The following PRDM14 variants were observed in gnomAD, a reference collection of about 807,000 sequenced individuals.
PRDM14 encodes the protein PR domain zinc finger protein 14.
Under a neutral mutation model 48.0 loss-of-function variants are expected in PRDM14, and 16 were observed. The observed-to-expected ratio is 0.33, with a 90% CI of 0.23 to 0.51. PRDM14 has a LOEUF of 0.51. Ranked by LOEUF, PRDM14 falls within the 20% of genes least tolerant of loss-of-function variation. The pLI, the probability that PRDM14 is intolerant of heterozygous loss-of-function variation, is 0.97. For synonymous variants in PRDM14, 264 were observed against 276.6 expected (o/e 0.95, Z 0.45); for missense variants, 566 against 719.6 (o/e 0.79, Z 2.44).
In PRDM14 at chr8:70,052,052, G is replaced by A. The variant is rs745763618; in HGVS notation, c.*25C>T. The A allele has an allele frequency of 1.3e-5, 20 of 1,518,654 alleles. No homozygotes were observed. The highest frequency in any genetic ancestry group is 4.1e-5 in the African/African-American group (3 of 73,182). 94.1% of individuals were successfully genotyped at this position (1,518,654 alleles called of 1,614,324 possible). On this transcript the variant is annotated 3_prime_UTR_variant, in exon 8 of 8. Coordinates refer to ENST00000276594, the MANE Select transcript of PRDM14 (RefSeq NM_024504.4). ...GCCTCCCAAAGTGCTGGGATTACAGGCGTGAGTCATTGTGCCTGGCAGGGC... is the reference window on the plus strand; with the variant it reads ...GCCTCCCAAAGTGCTGGGATTACAGACGTGAGTCATTGTGCCTGGCAGGGC...
At chr8:70,061,170 T>C (rs1805576015) in intron 5 of PRDM14, among the ~76,000 whole-genome samples, 1 of 152,082 alleles carries the variant, frequency 6.6e-6, no homozygotes, top group Non-Finnish European at 1.5e-5. Flanking sequence ...CAGGGGTGTC[T>C]ATGTGTTGGG....
intron 7 of PRDM14, among the ~76,000 whole-genome samples, chr8:70,053,536 G>A (rs1300784648): frequency 6.6e-6 from 1 of 152,080 alleles, no homozygotes; most frequent in Non-Finnish European, 1.5e-5. Flanking sequence ...AATTACAGGT[G>A]CACTATGATG....
chr8:70,058,883 C>G (rs924476169), intron 5 of PRDM14, 41 bp from the exon 6 acceptor site: 1 of 1,461,012 alleles, frequency 6.8e-7, no homozygotes, highest in Admixed American at 1.7e-5. Context: ...CAGTTACTTC[C>G]CTCCCTAGTT....
chr8:70,059,313 C>T lies in PRDM14; in HGVS notation c.1184-471G>A, dbSNP rs1805536931. On this transcript the variant is annotated intron_variant, in intron 5 of 7. Coordinates refer to ENST00000276594, the MANE Select transcript of PRDM14 (RefSeq NM_024504.4). ...TTGAGATGGAGTCTTGCTCTGTCAC[C>T]CAGGCTGGAGTGCAGGGGTGTGATC... Among the ~76,000 whole-genome samples, 3 of 150,914 alleles carry T rather than the reference C, an allele frequency of 2.0e-5. No individual in the cohort carries two copies. The South Asian group carries it at 6.3e-4, about 32-fold the overall frequency.
chr8:70,053,242 C>A (rs981825115), intron 7 of PRDM14, among the ~76,000 whole-genome samples: 5 of 152,058 alleles, frequency 3.3e-5, no homozygotes, highest in East Asian at 1.9e-4. Flanking sequence ...TCAAGACAAA[C>A]CTCATTACAG....
intron 6 of PRDM14, 49 bp downstream of exon 6, chr8:70,058,591 G>T: frequency 6.5e-7 from 1 of 1,546,544 alleles, no homozygotes. Context: ...AGGAGCTTGG[G>T]AAGGGAGAGA....
chr8:70,068,448 G>A, intron 3 of PRDM14, 31 bp downstream of exon 3: 1 of 1,613,998 alleles, frequency 6.2e-7, no homozygotes, highest in Non-Finnish European at 8.5e-7. Context: ...TTAGTTCAGG[G>A]AAAGAAATCC....
chr8:70,056,737 T>C (rs1280141555), intron 6 of PRDM14, among the ~76,000 whole-genome samples: 2 of 145,938 alleles, frequency 1.4e-5, no homozygotes, highest in Non-Finnish European at 3.0e-5. Context: ...GGTGATTGTT[T>C]GAGCGTAGGA....
chr8:70,064,888 C>G (rs1489270307), intron 5 of PRDM14, among the ~76,000 whole-genome samples: 1 of 147,762 alleles, frequency 6.8e-6, no homozygotes, highest in African/African-American at 2.5e-5. Context: ...TTCTCTCTCT[C>G]TCTTTTTTTT....
intron 5 of PRDM14, among the ~76,000 whole-genome samples, chr8:70,061,414 T>C (rs966446025): frequency 2.0e-5 from 3 of 152,174 alleles, no homozygotes; most frequent in African/African-American, 7.2e-5. Flanking sequence ...GACAACTACA[T>C]CCCAGGCACG....
Position 70,051,956 on chromosome 8 carries a change from T to G in PRDM14, c.*121A>C. ...CCAGCTGATTTTTGTATTTTTTTGG[T>G]AGAGACAGGATTTCACCATGTTGCC... On this transcript the variant is annotated 3_prime_UTR_variant, in exon 8 of 8. Coordinates refer to ENST00000276594, the MANE Select transcript of PRDM14 (RefSeq NM_024504.4). 1.5e-6 allele frequency: 1 copy of G among 659,052 alleles called. No individual in the cohort carries two copies. Among genetic ancestry groups the G allele is most frequent in the Non-Finnish European group, 2.5e-6 (1 of 393,080 alleles). 40.8% of individuals were successfully genotyped at this position (659,052 alleles called of 1,614,324 possible).
intron 1 of PRDM14, among the ~76,000 whole-genome samples, 170 bp from the exon 2 acceptor site, chr8:70,070,054 A>G (rs1301746921): frequency 6.6e-6 from 1 of 152,186 alleles, no homozygotes; most frequent in African/African-American, 2.4e-5. Flanking sequence ...ACAAAACGAA[A>G]AAACAGCAAT....
intron 5 of PRDM14, among the ~76,000 whole-genome samples, chr8:70,060,463 T>C (rs142669723): frequency 3.3e-5 from 5 of 152,252 alleles, no homozygotes; most frequent in African/African-American, 1.2e-4. Context: ...CGATTAACTC[T>C]TATTCTTTTA....
chr8:70,068,163 G>A, intron 4 of PRDM14, 67 bp downstream of exon 4: 1 of 1,579,274 alleles, frequency 6.3e-7, no homozygotes, highest in Non-Finnish European at 8.7e-7. Context: ...AAGGGCAAAG[G>A]CCAAGATTTC....
rs977424590 is a variant in PRDM14 at position 70,052,414 on chromosome 8, T to C, written c.1489-110A>G. On this transcript the variant is annotated intron_variant, in intron 7 of 7. Coordinates refer to ENST00000276594, the MANE Select transcript of PRDM14 (RefSeq NM_024504.4). ...TGTTGCTCATCCTTATGGACGAACC[T>C]TGGGTTTTAAGGCCATAGAGCACTC... 18 of 874,050 alleles carry C rather than the reference T, an allele frequency of 2.1e-5. No homozygotes were observed. The South Asian group carries it at 2.4e-4, about 12-fold the overall frequency. The allele number at this position is 874,050 out of a possible 1,614,324, so 54.1% of individuals were successfully genotyped here.
chr8:70,070,005 C>T lies in PRDM14; in HGVS notation c.-24-121G>A. The T allele has an allele frequency of 6.7e-6, 4 of 597,252 alleles. No homozygotes were observed. In the Middle Eastern group the frequency reaches 1.8e-3, roughly 264 times the overall value. 37.0% of individuals were successfully genotyped at this position (597,252 alleles called of 1,614,324 possible). Reference sequence around the variant, plus strand: ...CAGATCCAAGGGAACAGGATAAACGCCCCCAGTCCGATCCCGCCAGCCCGC... The same window carrying T: ...CAGATCCAAGGGAACAGGATAAACGTCCCCAGTCCGATCCCGCCAGCCCGC... On this transcript the variant is annotated intron_variant, in intron 1 of 7. Coordinates refer to ENST00000276594, the MANE Select transcript of PRDM14 (RefSeq NM_024504.4).
chr8:70,054,794 C>T (rs1037733431), intron 7 of PRDM14, among the ~76,000 whole-genome samples: 18 of 151,670 alleles, frequency 1.2e-4, no homozygotes, highest in African/African-American at 3.9e-4. Context: ...GCTGGGATTA[C>T]GGGCTTGAGC....
chr8:70,066,210 G>C, intron 5 of PRDM14, 25 bp downstream of exon 5: 1 of 1,605,412 alleles, frequency 6.2e-7, no homozygotes, highest in Non-Finnish European at 8.5e-7. Context: ...TGCCCTCATT[G>C]GGCAAGGCGA....
At chr8:70,070,110 T>C (rs576169866) in intron 1 of PRDM14, among the ~76,000 whole-genome samples, 2 of 152,204 alleles carry the variant, frequency 1.3e-5, no homozygotes, top group African/African-American at 4.8e-5. Flanking sequence ...GCCGGGATCC[T>C]GCCCTACTCT....
Sources: gnomAD v4.1 joint callset for allele counts (sites outside exome capture counted in the v4.1 genomes callset) on GRCh38, gnomAD v4.1.1 for gene constraint, MANE v1.5 for transcripts, NCBI Gene and HGNC (gene_info 2026-07-23, HGNC 2026-07-21) for gene names.